Variants in CDH9 observed in about 807,000 individuals in gnomAD.
CDH9 encodes the protein cadherin 9.
CDH9 carries 28 observed loss-of-function variants against 70.9 expected under a neutral mutation model. The ratio of observed to expected loss-of-function variants is 0.40; its 90% CI spans 0.29 to 0.54. The LOEUF (loss-of-function observed/expected upper bound fraction) is 0.54, where lower values mean the gene tolerates loss of function less well. Among genes scored for constraint, CDH9 ranks in the 20% least tolerant of loss-of-function variants. CDH9 has a pLI of 0.59. For synonymous variants in CDH9, 409 were observed against 343.1 expected, an observed-to-expected ratio of 1.19 and a Z score of -2.12; for missense variants, 874 against 984.4, an observed-to-expected ratio of 0.89 and a Z score of 1.50.
intron 7 of CDH9, among the ~76,000 whole-genome samples, chr5:26,895,000 T>C (rs1740725148): frequency 6.6e-6 from 1 of 152,128 alleles, no homozygotes; most frequent in South Asian, 2.1e-4. Flanking sequence ...AAGTCAAGCA[T>C]GTATCATATA....
chr5:26,915,983 A>G (rs1741142063), intron 2 of CDH9, 59 bp from the exon 3 acceptor site: 1 of 1,214,840 alleles, frequency 8.2e-7, no homozygotes. Flanking sequence ...TACATAAAAC[A>G]TAATTTTGGC....
intron 2 of CDH9, among the ~76,000 whole-genome samples, chr5:26,960,966 C>T (rs1742025368): frequency 6.6e-6 from 1 of 151,986 alleles, no homozygotes; most frequent in African/African-American, 2.4e-5. Context: ...GCACATTTGA[C>T]TCCCAATTTA....
Position 26,881,951 on chromosome 5 carries a change from T to C in CDH9, c.1883-328A>G, listed in dbSNP as rs149674421. 7.2e-5 allele frequency among the ~76,000 whole-genome samples: 11 copies of C among 152,178 alleles called. No individual in the cohort carries two copies. In the East Asian group the frequency reaches 2.1e-3, roughly 29 times the overall value. ...TTTCCAAATGTGCACTCATTTCAAA[T>C]ACAAAAACACTAAAGCTCTACTCAT... On this transcript the variant is annotated intron_variant, in intron 11 of 11. Coordinates refer to ENST00000231021, the MANE Select transcript of CDH9 (RefSeq NM_016279.4).
chr5:26,986,349 A>G (rs1742487691), intron 2 of CDH9, among the ~76,000 whole-genome samples: 1 of 152,124 alleles, frequency 6.6e-6, no homozygotes, highest in African/African-American at 2.4e-5. Context: ...TGAAAAAAAT[A>G]TGAAAGGTAA....
chr5:26,894,851 A>G (rs1014343584), intron 7 of CDH9, among the ~76,000 whole-genome samples: 6 of 151,990 alleles, frequency 3.9e-5, no homozygotes, highest in Non-Finnish European at 7.4e-5. Context: ...TTGTATAAAT[A>G]CTCTCTGCAG....
chr5:27,022,715 T>C (rs1333492567), intron 1 of CDH9, among the ~76,000 whole-genome samples: 3 of 152,092 alleles, frequency 2.0e-5, no homozygotes, highest in Non-Finnish European at 2.9e-5. Flanking sequence ...CGGACAATAA[T>C]GAAATTCTAA....
In CDH9 at chr5:27,030,129, T is replaced by C. The variant is rs76247097; in HGVS notation, c.-50+8334A>G. On this transcript the variant is annotated intron_variant, in intron 1 of 11. Coordinates refer to ENST00000231021, the MANE Select transcript of CDH9 (RefSeq NM_016279.4). ...CTGCAGGACTGCATTGTTGGAAGAG[T>C]AGACAGGTCTTCTTGTTAGTAAAAG... Among the ~76,000 whole-genome samples, 1,348 of 152,006 alleles carry C rather than the reference T, an allele frequency of 8.9e-3. 23 individuals carry two copies. The highest frequency in any genetic ancestry group is 0.03 in the African/African-American group (1,260 of 41,508).
intron 2 of CDH9, among the ~76,000 whole-genome samples, chr5:26,929,717 T>C (rs1450209782): frequency 6.6e-6 from 1 of 152,118 alleles, no homozygotes; most frequent in African/African-American, 2.4e-5. Context: ...GAGGTCATTA[T>C]GTTAAGTGGA....
At chr5:26,967,035 C>T (rs966924839) in intron 2 of CDH9, among the ~76,000 whole-genome samples, 1 of 152,106 alleles carries the variant, frequency 6.6e-6, no homozygotes, top group Non-Finnish European at 1.5e-5. Context: ...CAAGCTTAAG[C>T]GATCCTCTCA....
chr5:26,972,709 T>C (rs1177336506), intron 2 of CDH9, among the ~76,000 whole-genome samples: 1 of 152,180 alleles, frequency 6.6e-6, no homozygotes, highest in East Asian at 1.9e-4. Context: ...AAACAATTTC[T>C]ACCAGGCTTT....
At chr5:26,934,192 G>C (rs563035239) in intron 2 of CDH9, among the ~76,000 whole-genome samples, 11 of 152,242 alleles carry the variant, frequency 7.2e-5, no homozygotes, top group Admixed American at 2.6e-4. Context: ...AAGGCCAGGT[G>C]TGGTGACTCC....
chr5:27,018,124 C>G, intron 1 of CDH9, among the ~76,000 whole-genome samples: 1 of 151,764 alleles, frequency 6.6e-6, no homozygotes, highest in Middle Eastern at 3.4e-3. Flanking sequence ...TTTTCTTTCT[C>G]AGAAGATTAT....
chr5:26,928,212 C>G (rs1307070590), intron 2 of CDH9, among the ~76,000 whole-genome samples: 2 of 151,936 alleles, frequency 1.3e-5, no homozygotes, highest in Non-Finnish European at 2.9e-5. Flanking sequence ...AGTAAGCACT[C>G]TGAAAAAGAA....
intron 2 of CDH9, among the ~76,000 whole-genome samples, chr5:26,945,610 A>G (rs1741739375): frequency 6.6e-6 from 1 of 152,188 alleles, no homozygotes; most frequent in Non-Finnish European, 1.5e-5. Flanking sequence ...CTTAAGAATC[A>G]GTTACCTAAT....
At chr5:26,926,827 A>T (rs1650282125) in intron 2 of CDH9, among the ~76,000 whole-genome samples, 1 of 151,996 alleles carries the variant, frequency 6.6e-6, no homozygotes, top group African/African-American at 2.4e-5. Context: ...CAAACCTGAC[A>T]AAAACAAGAA....
At chr5:27,002,233 A>G (rs1288178202) in intron 1 of CDH9, among the ~76,000 whole-genome samples, 1 of 152,150 alleles carries the variant, frequency 6.6e-6, no homozygotes, top group Non-Finnish European at 1.5e-5. Context: ...GCCATCTCAC[A>G]CCAGTTAGAA....
At chr5:26,990,748 C>T (rs537111635) in intron 1 of CDH9, among the ~76,000 whole-genome samples, 1 of 152,250 alleles carries the variant, frequency 6.6e-6, no homozygotes, top group East Asian at 1.9e-4. Flanking sequence ...TGATAAAATA[C>T]AACAAACTCC....
chr5:26,906,438 G>T (rs1041518809), intron 4 of CDH9, among the ~76,000 whole-genome samples: 1 of 151,878 alleles, frequency 6.6e-6, no homozygotes, highest in Non-Finnish European at 1.5e-5. Context: ...TTCAAGTTTT[G>T]AGTATTCTCT....
At chr5:26,912,003 A>T (rs1484657960) in intron 3 of CDH9, among the ~76,000 whole-genome samples, 1 of 152,128 alleles carries the variant, frequency 6.6e-6, no homozygotes, top group Non-Finnish European at 1.5e-5. Context: ...AATGGAAATA[A>T]GGGGCAGATA....
Sources: allele counts gnomAD v4.1 joint callset (sites outside exome capture counted in the v4.1 genomes callset), GRCh38; gene constraint gnomAD v4.1.1; transcripts MANE v1.5; gene names NCBI Gene and HGNC (gene_info 2026-07-23, HGNC 2026-07-21).